Variants in FBRSL1 observed in about 807,000 individuals in gnomAD.
The protein encoded by FBRSL1 is fibrosin like 1, also known as fibrosin-1-like protein.
Under a neutral mutation model 89.6 loss-of-function variants are expected in FBRSL1, and 51 were observed. The ratio of observed to expected loss-of-function variants is 0.57; its 90% CI spans 0.45 to 0.72. The LOEUF is 0.72. Among genes scored for constraint, FBRSL1 ranks in the 30% least tolerant of loss-of-function variants. The pLI, the probability that FBRSL1 is intolerant of heterozygous loss-of-function variation, is 0.00. For missense variants in FBRSL1, 1,618 were observed against 1,451.8 expected (o/e 1.11, Z -1.86); for synonymous variants, 779 against 681.1 (o/e 1.14, Z -2.24).
intron 2 of FBRSL1, among the ~76,000 whole-genome samples, chr12:132,515,627 C>G (rs771359175): frequency 6.6e-6 from 1 of 151,872 alleles, no homozygotes; most frequent in Non-Finnish European, 1.5e-5. Flanking sequence ...AGGCCAGGTG[C>G]GGTGGCTCAC....
chr12:132,509,923 C>G (rs1236310362), intron 2 of FBRSL1: 1 of 1,231,088 alleles, frequency 8.1e-7, no homozygotes, highest in African/African-American at 1.6e-5. Flanking sequence ...GCCTTCCTAG[C>G]CCCGTGTCAG....
intron 2 of FBRSL1, among the ~76,000 whole-genome samples, chr12:132,515,448 G>A (rs2039836425): frequency 6.6e-6 from 1 of 150,974 alleles, no homozygotes; most frequent in Non-Finnish European, 1.5e-5. Flanking sequence ...TGCAGCTAAA[G>A]CAATCCTTAA....
At chr12:132,563,993 C>A (rs1336022343) in intron 5 of FBRSL1, among the ~76,000 whole-genome samples, 3 of 152,074 alleles carry the variant, frequency 2.0e-5, no homozygotes, top group Non-Finnish European at 4.4e-5. Context: ...TCCTGTGCAC[C>A]CCCTGCACCC....
intron 5 of FBRSL1, chr12:132,565,532 T>TATACGTACCCGAATGTGCTCAC: frequency 6.6e-6 from 1 of 151,634 alleles, no homozygotes; most frequent in Admixed American, 6.6e-5. Flanking sequence ...AGTGTGCTCA[T>TATACGTACCCGAATGTGCTCAC]GTACACGTAC....
At chr12:132,504,451 G>A (rs1018619462) in intron 1 of FBRSL1, among the ~76,000 whole-genome samples, 2 of 152,186 alleles carry the variant, frequency 1.3e-5, no homozygotes, top group African/African-American at 4.8e-5. Context: ...TGGGAGAGGA[G>A]CAGGGAGGTC....
chr12:132,524,510 G>A (rs539395012), intron 2 of FBRSL1, among the ~76,000 whole-genome samples: 4 of 152,372 alleles, frequency 2.6e-5, no homozygotes, highest in South Asian at 2.1e-4. Context: ...GCCGAAGGTC[G>A]GCAGGGAGCC....
chr12:132,558,847 C>A (rs4475994), intron 5 of FBRSL1, among the ~76,000 whole-genome samples: 3 of 152,098 alleles, frequency 2.0e-5, no homozygotes, highest in Admixed American at 2.0e-4. Context: ...AACTGGAGCC[C>A]AAGCCCTCTG....
At chr12:132,510,237 C>G in intron 2 of FBRSL1, 1 of 1,231,998 alleles carries the variant, frequency 8.1e-7, no homozygotes, top group Non-Finnish European at 1.0e-6. Context: ...TCGCCCTTCA[C>G]TCCTGGGGCA....
At chr12:132,529,727 G>GCTCTACCACCCTGGGCTCTT in intron 4 of FBRSL1, among the ~76,000 whole-genome samples, 1 of 18,450 alleles carries the variant, frequency 5.4e-5, no homozygotes, top group East Asian at 1.1e-3. Context: ...GCCACCCTGG[G>GCTCTACCACCCTGGGCTCTT]CTCTACCACC....
Position 132,490,726 on chromosome 12 carries a change from GC to G in FBRSL1, c.163del (p.Arg55GlufsTer48). ...GKENAGLRGAPPRGAAPAPRT... is the reference protein window; with the variant it reads ...GKENAGLRGAXPRGAAPAPRT... ...AGGAGAACGCGGGCCTCCGCGGCGC[GC>G]CCCCCCGAGGCGCCGCCCCCGCGCC... On this transcript the variant is annotated frameshift_variant, in exon 1 of 19. Coordinates refer to ENST00000680143, the MANE Select transcript of FBRSL1 (RefSeq NM_001367871.1). 2.0e-6 allele frequency: 2 copies of G among 984,884 alleles called. No individual in the cohort carries two copies. Among genetic ancestry groups the G allele is most frequent in the Non-Finnish European group, 2.4e-6 (2 of 830,982 alleles). The allele number at this position is 984,884 out of a possible 1,614,324, so 61.0% of individuals were successfully genotyped here.
chr12:132,508,482 C>T, intron 2 of FBRSL1, 132 bp downstream of exon 2: 1 of 1,128,638 alleles, frequency 8.9e-7, no homozygotes, highest in Non-Finnish European at 1.2e-6. Context: ...CGTTGTCAGG[C>T]TTGGGGTGCA....
intron 14 of FBRSL1, 97 bp downstream of exon 14, chr12:132,574,661 G>T: frequency 7.2e-7 from 1 of 1,395,480 alleles, no homozygotes; most frequent in Non-Finnish European, 9.6e-7. Flanking sequence ...GTTCACACGC[G>T]TGTGCACGGG....
In FBRSL1 at chr12:132,582,099, C is replaced by G. The variant is rs1426020011; in HGVS notation, c.2034C>G (p.Ser678=). ...GCATCTTTGCCCCCAAGGAGGGCTCCTCCGTGCACGGCCTGCCCAGCCCCC... is the reference window on the plus strand; with the variant it reads ...GCATCTTTGCCCCCAAGGAGGGCTCGTCCGTGCACGGCCTGCCCAGCCCCC... ...GGSIFAPKEG[S]SVHGLPSPHE... Residue 678 remains serine, a synonymous_variant, in exon 18 of 19, where the codon TCC becomes TCG. Transcript: ENST00000680143. 3.2e-6 allele frequency: 5 copies of G among 1,549,258 alleles called. No homozygotes were observed. The highest frequency in any genetic ancestry group is 4.4e-6 in the Non-Finnish European group (5 of 1,146,432).
chr12:132,550,239 C>T (rs185124051), intron 5 of FBRSL1, among the ~76,000 whole-genome samples: 14 of 152,010 alleles, frequency 9.2e-5, no homozygotes, highest in African/African-American at 2.9e-4. Flanking sequence ...GGCAGGGGAG[C>T]GGAGAGGGGC....
In FBRSL1 at chr12:132,546,084, G is replaced by A. The variant is rs896164329; in HGVS notation, c.616-1919G>A. 3.9e-5 allele frequency among the ~76,000 whole-genome samples: 6 copies of A among 152,364 alleles called. No homozygotes were observed. The highest frequency in any genetic ancestry group is 1.3e-4 in the Admixed American group (2 of 15,314). On this transcript the variant is annotated intron_variant, in intron 4 of 18. Transcript: ENST00000680143. The surrounding 1 kb of genome is among the most constrained non-coding windows in gnomAD (Gnocchi z 4.0). Reference sequence around the variant, plus strand: ...CTTCCGGTCCCCTCAGCCCTGGCGTGTTCTGGCATGTTCCTCCCCTCCCCT... The same window carrying A: ...CTTCCGGTCCCCTCAGCCCTGGCGTATTCTGGCATGTTCCTCCCCTCCCCT...
chr12:132,570,965 TG>T, intron 8 of FBRSL1, 102 bp from the exon 9 acceptor site: 4 of 794,280 alleles, frequency 5.0e-6, no homozygotes, highest in Non-Finnish European at 6.1e-6. Flanking sequence ...CGGCCCAGGC[TG>T]GGGACGGCCC....
Position 132,580,972 on chromosome 12 carries a change from C to T in FBRSL1, c.1835-467C>T, listed in dbSNP as rs1451704783. 5.1e-6 allele frequency: 5 copies of T among 985,342 alleles called. No individual in the cohort carries two copies. The East Asian group carries it at 4.5e-4, about 89-fold the overall frequency. The allele number at this position is 985,342 out of a possible 1,614,324, so 61.0% of individuals were successfully genotyped here. ...TGGGCTGGGCCTGTGCCCAGGAATG[C>T]CACAAGGGGCTGCCATGTGCAGCCT... On this transcript the variant is annotated intron_variant, in intron 15 of 18. Transcript: ENST00000680143.
chr12:132,583,043 C>T lies in FBRSL1; in HGVS notation c.2274C>T (p.Gly758=), dbSNP rs2040891281. ...CCCCCGCTGGCCACCCCGTCAGCGG[C>T]CTCCTGCTCCGGGCCCAGAGCGAGC... ...PATPAGHPVS[G]LLLRAQSELG... The change falls in exon 19 of 19, where the codon GGC becomes GGT. Residue 758 remains glycine (G), a synonymous_variant. Transcript: ENST00000680143. 6.9e-7 allele frequency: 1 copy of T among 1,452,098 alleles called. No homozygotes were observed. Among genetic ancestry groups the T allele is most frequent in the Middle Eastern group, 2.5e-4 (1 of 4,058 alleles). 90.0% of individuals were successfully genotyped at this position (1,452,098 alleles called of 1,614,324 possible).
chr12:132,564,917 C>T (rs1464060641), intron 5 of FBRSL1, among the ~76,000 whole-genome samples: 15 of 147,614 alleles, frequency 1.0e-4, no homozygotes, highest in Non-Finnish European at 7.4e-5. Context: ...GCGTGAGCCG[C>T]GGCCGGCCGC....
Sources: gnomAD v4.1 joint callset for allele counts (sites outside exome capture counted in the v4.1 genomes callset) on GRCh38, gnomAD v4.1.1 for gene constraint, Gnocchi (gnomAD v3.1) non-coding constraint, MANE v1.5 for transcripts, NCBI Gene and HGNC (gene_info 2026-07-23, HGNC 2026-07-21) for gene names.